TRIQK: variants seen among roughly 807,000 people sequenced by gnomAD.
The protein encoded by TRIQK is triple QxxK/R motif containing.
A neutral mutation model predicts 10.8 loss-of-function variants in TRIQK; 10 were observed. That is an observed-to-expected ratio of 0.92 (90% CI 0.57 to 1.57). The LOEUF (loss-of-function observed/expected upper bound fraction) is 1.57. TRIQK is among the 40% of genes most tolerant of loss of function. The pLI is 0.00. For synonymous variants in TRIQK, 33 were observed against 33.7 expected, an observed-to-expected ratio of 0.98 and a Z score of 0.07; for missense variants, 107 against 97.7, an observed-to-expected ratio of 1.09 and a Z score of -0.40.
At chr8:92,899,551 T>G (rs1260142504) in intron 3 of TRIQK, among the ~76,000 whole-genome samples, 1 of 152,190 alleles carries the variant, frequency 6.6e-6, no homozygotes, top group Non-Finnish European at 1.5e-5. Context: ...TGACCTCCAG[T>G]TACATCCATG....
At chr8:92,969,040 C>G (rs978290136), upstream of TRIQK, among the ~76,000 whole-genome samples, 1 of 152,134 alleles carries the variant, frequency 6.6e-6, no homozygotes, top group African/African-American at 2.4e-5. Context: ...TTTCCCAACA[C>G]CATTTATTAA....
At chr8:92,901,490 T>G (rs764900488) in intron 3 of TRIQK, among the ~76,000 whole-genome samples, 11 of 152,218 alleles carry the variant, frequency 7.2e-5, no homozygotes, top group Non-Finnish European at 1.6e-4. Flanking sequence ...TTTTTCACCA[T>G]TAATTGAAAT....
chr8:92,892,989 T>A (rs143395499), intron 3 of TRIQK, among the ~76,000 whole-genome samples: 86 of 152,092 alleles, frequency 5.7e-4, no homozygotes, highest in African/African-American at 2.0e-3. Context: ...GATCGTATAA[T>A]CTCTCTGGCT....
chr8:92,990,121 T>C (rs964653170), intron 1 of TRIQK, among the ~76,000 whole-genome samples: 1 of 152,246 alleles, frequency 6.6e-6, no homozygotes, highest in Non-Finnish European at 1.5e-5. Context: ...TGAGGTAAGA[T>C]GGAACTATAA....
At chr8:93,006,463 G>A (rs577512726) in intron 1 of TRIQK, among the ~76,000 whole-genome samples, 1 of 152,278 alleles carries the variant, frequency 6.6e-6, no homozygotes, top group South Asian at 2.1e-4. Context: ...TCCCCCTCGT[G>A]AGCTGACGCC....
chr8:92,925,359 T>C (rs1209036857), intron 2 of TRIQK, among the ~76,000 whole-genome samples: 1 of 152,038 alleles, frequency 6.6e-6, no homozygotes, highest in African/African-American at 2.4e-5. Flanking sequence ...GAAAACATAG[T>C]AGGATATATC....
chr8:92,993,236 T>C (rs191308840), intron 1 of TRIQK, among the ~76,000 whole-genome samples: 11 of 152,152 alleles, frequency 7.2e-5, no homozygotes, highest in African/African-American at 2.7e-4. Context: ...TTGTTTTCTT[T>C]CCCTTGTGCT....
At chr8:92,951,668 G>A (rs531328657) in intron 2 of TRIQK, among the ~76,000 whole-genome samples, 6 of 152,118 alleles carry the variant, frequency 3.9e-5, no homozygotes, top group Admixed American at 2.0e-4. Flanking sequence ...CAGTGGGAGG[G>A]GAAAAGGAAC....
upstream of TRIQK, among the ~76,000 whole-genome samples, chr8:92,966,778 G>A (rs939603191): frequency 6.6e-6 from 1 of 151,996 alleles, no homozygotes; most frequent in Non-Finnish European, 1.5e-5. Flanking sequence ...GCTAGGAAAG[G>A]CTAGATTTAT....
At chr8:92,914,948 T>C (rs1021767437) in intron 3 of TRIQK, among the ~76,000 whole-genome samples, 10 of 152,270 alleles carry the variant, frequency 6.6e-5, no homozygotes, top group African/African-American at 2.4e-4. Context: ...AGCCAAGATA[T>C]GGAAACAACC....
upstream of TRIQK, among the ~76,000 whole-genome samples, chr8:92,970,449 T>C (rs1232118696): frequency 2.6e-5 from 4 of 152,140 alleles, no homozygotes; most frequent in Non-Finnish European, 5.9e-5. Flanking sequence ...TTCTCCACAG[T>C]CTCACCAGCA....
At chr8:93,004,228 G>A (rs1320608517) in intron 1 of TRIQK, among the ~76,000 whole-genome samples, 1 of 152,210 alleles carries the variant, frequency 6.6e-6, no homozygotes, top group Non-Finnish European at 1.5e-5. Flanking sequence ...AATCTAGGCA[G>A]AGGCTCCCAC....
intron 3 of TRIQK, among the ~76,000 whole-genome samples, chr8:92,899,104 C>T (rs1290082421): frequency 6.6e-6 from 1 of 151,006 alleles, no homozygotes; most frequent in Non-Finnish European, 1.5e-5. Flanking sequence ...CTGCCTCAGC[C>T]TCCCAAGTAA....
chr8:92,900,270 A>G (rs1325999845), intron 3 of TRIQK, among the ~76,000 whole-genome samples: 2 of 151,894 alleles, frequency 1.3e-5, no homozygotes, highest in African/African-American at 4.8e-5. Flanking sequence ...CCACTTCTCC[A>G]TTTTTGCTTT....
chr8:92,988,597 A>C (rs1813062519), intron 1 of TRIQK, among the ~76,000 whole-genome samples: 1 of 152,164 alleles, frequency 6.6e-6, no homozygotes, highest in South Asian at 2.1e-4. Flanking sequence ...TTTGATATGA[A>C]ATTATCTCTG....
chr8:92,938,063 T>G (rs1261075596), intron 2 of TRIQK, among the ~76,000 whole-genome samples: 2 of 151,958 alleles, frequency 1.3e-5, no homozygotes, highest in Non-Finnish European at 2.9e-5. Flanking sequence ...TTCTCTCAGC[T>G]TTTGTTTAGA....
chr8:92,938,159 T>G (rs1811084951), intron 2 of TRIQK, among the ~76,000 whole-genome samples: 1 of 152,006 alleles, frequency 6.6e-6, no homozygotes, highest in Admixed American at 6.6e-5. Context: ...CAACTATTCT[T>G]ACAGTACTTG....
chr8:92,990,969 C>A (rs1488986565), intron 1 of TRIQK, among the ~76,000 whole-genome samples: 1 of 152,220 alleles, frequency 6.6e-6, no homozygotes, highest in Non-Finnish European at 1.5e-5. Context: ...GCAGATCCCA[C>A]CCTCATGGAG....
chr8:92,969,392 A>C (rs1026212185), upstream of TRIQK, among the ~76,000 whole-genome samples: 7 of 152,092 alleles, frequency 4.6e-5, no homozygotes, highest in Non-Finnish European at 7.4e-5. Context: ...TATATATTGT[A>C]ATATTTCAAA....
Sources: allele counts gnomAD v4.1 joint callset (sites outside exome capture counted in the v4.1 genomes callset), GRCh38; gene constraint gnomAD v4.1.1; transcripts MANE v1.5; gene names NCBI Gene and HGNC (gene_info 2026-07-23, HGNC 2026-07-21).